Variants in MRPL30 observed in about 807,000 individuals in gnomAD.
MRPL30 encodes mitochondrial ribosomal protein L30.
In MRPL30, 10 loss-of-function variants were observed where a neutral mutation model predicts 17.2. That is an observed-to-expected ratio of 0.58 (90% confidence interval 0.36 to 0.99). The LOEUF is 0.99. Ranked by LOEUF, MRPL30 falls within the 50% of genes least tolerant of loss-of-function variation. MRPL30 has a pLI of 0.01. For missense variants in MRPL30, 170 were observed against 189.8 expected (o/e 0.90, Z 0.61); for synonymous variants, 61 against 62.1 (o/e 0.98, Z 0.08).
intron 2 of MRPL30, chr2:99,186,877 A>T (rs2093934934): frequency 6.6e-6 from 1 of 152,286 alleles, no homozygotes; most frequent in Non-Finnish European, 1.5e-5. Context: ...AATAATCTGT[A>T]AGAGACCCTC....
At chr2:99,188,119 G>A in intron 2 of MRPL30, 58 bp from the exon 3 acceptor site, 2 of 1,252,772 alleles carry the variant, frequency 1.6e-6, no homozygotes, top group Non-Finnish European at 2.2e-6. Context: ...AGATTGGTGG[G>A]TATGGATTTC....
intron 2 of MRPL30, chr2:99,187,039 T>C (rs1186675960): frequency 2.0e-5 from 3 of 152,224 alleles, no homozygotes; most frequent in African/African-American, 7.2e-5. Flanking sequence ...TTGTATATAT[T>C]ACCTTAACCT....
At position 99,181,211 on chromosome 2, in the gene MRPL30, T is replaced by G. The variant is rs192358107; in HGVS notation, c.-66T>G. On this transcript the variant is annotated 5_prime_UTR_variant, in exon 1 of 6. Transcript: ENST00000338148. ...AGTTCTTCCTCTGCTCTGCTTCCCT[T>G]CGGAGGAAAATTTCAGGCTGAAGGT... The G allele has an allele frequency of 1.9e-6, 1 of 524,070 alleles. No individual in the cohort carries two copies. Among genetic ancestry groups the G allele is most frequent in the African/African-American group, 1.9e-5 (1 of 51,552 alleles). The allele number at this position is 524,070 out of a possible 1,614,324, so 32.5% of individuals were successfully genotyped here.
rs370015866 is a variant in MRPL30, at chr2:99,185,465, C to T, written c.-27-712C>T. ...TAACGCACGAATTAAGTAACCTGTCCGAGATATACATGTAGTTCATGAACT... is the reference window on the plus strand; with the variant it reads ...TAACGCACGAATTAAGTAACCTGTCTGAGATATACATGTAGTTCATGAACT... On this transcript the variant is annotated intron_variant, in intron 1 of 5. Coordinates refer to ENST00000338148, the MANE Select transcript of MRPL30 (RefSeq NM_145212.4). 2.6e-4 allele frequency among the ~76,000 whole-genome samples: 40 copies of T among 152,058 alleles called. 1 individual carries two copies. The South Asian group carries it at 8.1e-3, about 31-fold the overall frequency.
chr2:99,193,297 T>G (rs1472424046), intron 3 of MRPL30, among the ~76,000 whole-genome samples: 2 of 152,078 alleles, frequency 1.3e-5, no homozygotes, highest in East Asian at 3.9e-4. Flanking sequence ...CCAGTCAGAG[T>G]GACGATTATT....
rs2093956605 is a variant in MRPL30, at chr2:99,197,357, T to C, written c.*1652T>C. 6.6e-6 allele frequency: 1 copy of C among 152,226 alleles called. No individual in the cohort carries two copies. The highest frequency in any genetic ancestry group is 1.5e-5 in the Non-Finnish European group (1 of 68,034). 9.4% of individuals were successfully genotyped at this position (152,226 alleles called of 1,614,324 possible). A position where few individuals can be genotyped will look rare whatever the true frequency, so the allele number is the denominator to read the frequency against. ...ATATCCATCCTGTCGTAGATCTTAA[T>C]GTTTTTGATCGTTGCGTTAAAGTGG... On this transcript the variant is annotated 3_prime_UTR_variant, in exon 6 of 6. Coordinates refer to ENST00000338148, the MANE Select transcript of MRPL30 (RefSeq NM_145212.4).
At chr2:99,188,711 T>A (rs772301124) in intron 3 of MRPL30, among the ~76,000 whole-genome samples, 266 of 152,076 alleles carry the variant, frequency 1.7e-3, no homozygotes, top group Non-Finnish European at 3.2e-3. Context: ...TTGTTTAAAA[T>A]TTTTTTTTAA....
In MRPL30 at chr2:99,198,243, G is replaced by A. The variant is rs1344003504; in HGVS notation, c.*2538G>A. 6.6e-6 allele frequency among the ~76,000 whole-genome samples: 1 copy of A among 152,226 alleles called. No individual in the cohort carries two copies. Among genetic ancestry groups the A allele is most frequent in the Non-Finnish European group, 1.5e-5 (1 of 68,052 alleles). On this transcript the variant is annotated 3_prime_UTR_variant, in exon 6 of 6. Coordinates refer to ENST00000338148, the MANE Select transcript of MRPL30 (RefSeq NM_145212.4). ...GTCTCACAATGTTTGTGGGTCGGAA[G>A]TCTAGGCGTGGCTTAGCTGGGTAGT...
chr2:99,190,791 A>G (rs1375212594), intron 3 of MRPL30, among the ~76,000 whole-genome samples: 1 of 152,118 alleles, frequency 6.6e-6, no homozygotes, highest in African/African-American at 2.4e-5. Context: ...AAAAATAGCT[A>G]ATGCATACTG....
At chr2:99,183,125 T>G (rs1380925133) in intron 1 of MRPL30, among the ~76,000 whole-genome samples, 1 of 151,982 alleles carries the variant, frequency 6.6e-6, no homozygotes, top group Non-Finnish European at 1.5e-5. Flanking sequence ...GAGGGAATGG[T>G]CAGTCAAAGG....
chr2:99,189,778 A>G (rs190880069), intron 3 of MRPL30, among the ~76,000 whole-genome samples: 38 of 152,314 alleles, frequency 2.5e-4, no homozygotes, highest in African/African-American at 8.9e-4. Flanking sequence ...ATACACATAT[A>G]ACATTTACCA....
chr2:99,194,917 A>T lies in MRPL30; in HGVS notation c.279+20A>T. On this transcript the variant is annotated intron_variant, in intron 4 of 5. Coordinates refer to ENST00000338148, the MANE Select transcript of MRPL30 (RefSeq NM_145212.4). Reference sequence around the variant, plus strand: ...GAAAAAGTATGCAATTATTTTAATCATCTTTAGTGTTGTTTACATTGCTTT... The same window carrying T: ...GAAAAAGTATGCAATTATTTTAATCTTCTTTAGTGTTGTTTACATTGCTTT... The T allele has an allele frequency of 6.5e-7, 1 of 1,545,222 alleles. No homozygotes were observed. Among genetic ancestry groups the T allele is most frequent in the Non-Finnish European group, 8.7e-7 (1 of 1,145,378 alleles).
In MRPL30 at chr2:99,197,977, G is replaced by A. The variant is rs2093957815; in HGVS notation, c.*2272G>A. 1.3e-5 allele frequency among the ~76,000 whole-genome samples: 2 copies of A among 151,954 alleles called. No individual in the cohort carries two copies. The highest frequency in any genetic ancestry group is 2.9e-5 in the Non-Finnish European group (2 of 68,006). ...CTAATATTAATATTGTGTAAATAGG[G>A]GAAAATACCATGGTTAATTTTTACT... is the stretch of plus-strand genomic sequence containing the variant. On this transcript the variant is annotated 3_prime_UTR_variant, in exon 6 of 6. Coordinates refer to ENST00000338148, the MANE Select transcript of MRPL30 (RefSeq NM_145212.4).
intron 4 of MRPL30, 21 bp from the exon 5 acceptor site, chr2:99,195,095 C>A: frequency 6.4e-7 from 1 of 1,559,018 alleles, no homozygotes; most frequent in Non-Finnish European, 8.7e-7. Flanking sequence ...GATAACGTTG[C>A]TTTGTTGTTG....
chr2:99,186,179 T>C lies in MRPL30; in HGVS notation c.-25T>C, dbSNP rs754392253. The C allele has an allele frequency of 3.1e-5, 50 of 1,612,486 alleles. No individual in the cohort carries two copies. The South Asian group carries it at 5.4e-4, about 17-fold the overall frequency. On this transcript the variant is annotated splice_region_variant and 5_prime_UTR_variant, in exon 2 of 6. Transcript: ENST00000338148. ...GGTCTACTTCCTACTTCCCACAGCC[T>C]CTAAAGAGAGCAATCACTACACTTA...
chr2:99,199,117 T>C lies in MRPL30; in HGVS notation c.*3412T>C, dbSNP rs1391938134. ...AAGCAAAGAAACTTCCATGCGGAGA[T>C]TGTCTTGTTTTTCTCAAAATGGGAT... On this transcript the variant is annotated 3_prime_UTR_variant, in exon 6 of 6. Transcript: ENST00000338148. Among the ~76,000 whole-genome samples, 1 of 152,044 alleles carries C rather than the reference T, an allele frequency of 6.6e-6. No individual in the cohort carries two copies. The highest frequency in any genetic ancestry group is 1.5e-5 in the Non-Finnish European group (1 of 67,986).
rs764081237 is a variant in MRPL30, at chr2:99,195,159, C to G, written c.323C>G (p.Ala108Gly). Residue 108 changes from alanine (A) to glycine (G), a missense_variant, in exon 5 of 6, where the codon GCA (alanine) becomes GGA (glycine). Ala to Gly is a moderately conservative substitution (Grantham distance 60). Coordinates refer to ENST00000338148, the MANE Select transcript of MRPL30 (RefSeq NM_145212.4). Reference sequence around the variant, plus strand: ...CACAAGAATATCCCTTCAGTGAATGCAAAATTGAAAGTAGTTAAGCATTTG... The same window carrying G: ...CACAAGAATATCCCTTCAGTGAATGGAAAATTGAAAGTAGTTAAGCATTTG... ...QVHKNIPSVN[A>G]KLKVVKHLIR... 1.2e-6 allele frequency: 2 copies of G among 1,607,376 alleles called. No individual in the cohort carries two copies. The highest frequency in any genetic ancestry group is 2.2e-5 in the East Asian group (1 of 44,542).
Position 99,194,853 on chromosome 2 carries a change from C to A in MRPL30, c.235C>A (p.Pro79Thr), listed in dbSNP as rs2093952563. The change falls in exon 4 of 6, where the codon CCA becomes ACA. Residue 79 changes from proline (P) to threonine (T), a missense_variant. Pro to Thr is a conservative substitution (Grantham distance 38). Transcript: ENST00000338148. ...CAGAATAAAAAGTACAAGAAGACGT[C>A]CATATTGGGAAAAAGATATAATAAA... ...VTRIKSTRRRPYWEKDIIKML... is the reference protein window; with the variant it reads ...VTRIKSTRRRTYWEKDIIKML... 17 of 1,586,808 alleles carry A rather than the reference C, an allele frequency of 1.1e-5. No individual in the cohort carries two copies. The highest frequency in any genetic ancestry group is 1.3e-5 in the Non-Finnish European group (15 of 1,169,186).
At chr2:99,186,928 T>C (rs1041671664) in intron 2 of MRPL30, 2 of 152,260 alleles carry the variant, frequency 1.3e-5, no homozygotes, top group Non-Finnish European at 2.9e-5. Context: ...GGCTTGCTTT[T>C]AGAAAGTGCA....
Sources: allele counts gnomAD v4.1 joint callset (sites outside exome capture counted in the v4.1 genomes callset), GRCh38; gene constraint gnomAD v4.1.1; transcripts MANE v1.5; gene names NCBI Gene and HGNC (gene_info 2026-07-23, HGNC 2026-07-21).